Variants in GABBR2 observed in about 807,000 individuals in gnomAD.
GABBR2 encodes the protein G-protein coupled receptor 51.
A neutral mutation model predicts 105.6 loss-of-function variants in GABBR2; 23 were observed. That is an observed-to-expected ratio of 0.22 (90% CI 0.16 to 0.31). The LOEUF is 0.31. Among genes scored for constraint, GABBR2 ranks in the 10% least tolerant of loss-of-function variants. GABBR2 has a pLI of 1.00. For synonymous variants in GABBR2, 478 were observed against 499.7 expected (o/e 0.96, Z 0.58); for missense variants, 734 against 1,245.5 (o/e 0.59, Z 6.18).
intron 1 of GABBR2, among the ~76,000 whole-genome samples, chr9:98,609,978 G>T (rs144717460): frequency 6.6e-6 from 1 of 152,204 alleles, no homozygotes; most frequent in Non-Finnish European, 1.5e-5. Flanking sequence ...AGACACGGAG[G>T]CTGCACTTGG....
rs377453143 is a variant in GABBR2, at chr9:98,473,337, C to T, written c.808G>A (p.Glu270Lys). The change falls in exon 6 of 19, where the codon GAG becomes AAG. Residue 270 changes from glutamate (E) to lysine (K), a missense_variant. Transcript: ENST00000259455. ...AAKVFCCAYE[E>K]NMYGSKYQWI... ...TGATATTTACTACCATACATGTTCT[C>T]CTCGTATGCCTGTAAAAGATGGAGT... The T allele has an allele frequency of 5.0e-6, 8 of 1,608,412 alleles. No individual in the cohort carries two copies. The highest frequency in any genetic ancestry group is 6.0e-6 in the Non-Finnish European group (7 of 1,175,068).
chr9:98,483,301 GA>G (rs575926993), intron 4 of GABBR2, among the ~76,000 whole-genome samples: 4 of 152,086 alleles, frequency 2.6e-5, no homozygotes, highest in Non-Finnish European at 5.9e-5. Flanking sequence ...CCACTGCCCT[GA>G]GTTTGGTTAC....
At chr9:98,412,078 G>T (rs1027114868) in intron 7 of GABBR2, among the ~76,000 whole-genome samples, 1 of 152,250 alleles carries the variant, frequency 6.6e-6, no homozygotes, top group Non-Finnish European at 1.5e-5. Context: ...TATAGGTTAA[G>T]CCCTTTGTTG....
At chr9:98,590,984 C>T (rs767574293) in intron 1 of GABBR2, among the ~76,000 whole-genome samples, 19 of 152,192 alleles carry the variant, frequency 1.2e-4, no homozygotes, top group Middle Eastern at 3.4e-3. Flanking sequence ...ATGCTGAAGA[C>T]GCATAAAAAG....
In GABBR2 at chr9:98,303,401, G is replaced by A; in HGVS notation, c.2252C>T (p.Pro751Leu). 1 of 1,614,210 alleles carries A rather than the reference G, an allele frequency of 6.2e-7. No individual in the cohort carries two copies. Among genetic ancestry groups the A allele is most frequent in the Non-Finnish European group, 8.5e-7 (1 of 1,180,006 alleles). The change falls in exon 16 of 19, where the codon CCA (proline) becomes CTA (leucine). Residue 751 changes from proline (P) to leucine (L), a missense_variant. Transcript: ENST00000259455. ...TCGCCTGTTCTGCGTTGCTGCATCT[G>A]GGTTTGTTCTCAGGGTGATGAGCTG... ...VPKLITLRTN[P>L]DAATQNRRFQ...
At chr9:98,457,474 T>A (rs926826642) in intron 6 of GABBR2, among the ~76,000 whole-genome samples, 1 of 152,222 alleles carries the variant, frequency 6.6e-6, no homozygotes, top group African/African-American at 2.4e-5. Context: ...TCATATTGTC[T>A]ATTGGATTTG....
intron 13 of GABBR2, among the ~76,000 whole-genome samples, chr9:98,324,460 C>A (rs1830882425): frequency 6.7e-6 from 1 of 148,560 alleles, no homozygotes; most frequent in African/African-American, 2.5e-5. Context: ...TAGTATGAAG[C>A]AAGAGCACAG....
chr9:98,386,392 A>G (rs1832073230), intron 10 of GABBR2, among the ~76,000 whole-genome samples: 1 of 152,086 alleles, frequency 6.6e-6, no homozygotes, highest in Non-Finnish European at 1.5e-5. Flanking sequence ...GAAAGCTCAC[A>G]CTGTTCCGTG....
At position 98,553,083 on chromosome 9, in the gene GABBR2, TA is replaced by T. The variant is rs371836785; in HGVS notation, c.460-11041del. ...TATTTAGTAGAGACAGGGGTCTCGC[TA>T]TTTTGCCCAGGCTGGTCTGAAACTC... On this transcript the variant is annotated intron_variant, in intron 2 of 18. Transcript: ENST00000259455. Among the ~76,000 whole-genome samples, 96 of 151,962 alleles carry T rather than the reference TA, an allele frequency of 6.3e-4. 1 individual carries two copies. In the East Asian group the frequency reaches 0.01, roughly 16 times the overall value.
Position 98,454,262 on chromosome 9 carries a change from G to C in GABBR2, c.1000-45C>G, listed in dbSNP as rs776926433. 1.5e-6 allele frequency: 2 copies of C among 1,334,720 alleles called. No homozygotes were observed. Among genetic ancestry groups the C allele is most frequent in the Non-Finnish European group, 2.2e-6 (2 of 925,496 alleles). 82.7% of individuals were successfully genotyped at this position (1,334,720 alleles called of 1,614,324 possible). A position where few individuals can be genotyped will look rare whatever the true frequency, so the allele number is the denominator to read the frequency against. On this transcript the variant is annotated intron_variant, in intron 6 of 18. Transcript: ENST00000259455. This position sits in a 1 kb window ranked among gnomAD's most constrained non-coding sequence, Gnocchi z 4.6. ...GGGGAATCCCAAGTTATACTCGGCA[G>C]GGACATCAGGTGCCTGATGCCGAGA...
chr9:98,386,107 C>T (rs190012638), intron 10 of GABBR2, among the ~76,000 whole-genome samples: 1 of 152,298 alleles, frequency 6.6e-6, no homozygotes, highest in African/African-American at 2.4e-5. Context: ...GTTGATTTCC[C>T]TGCCTCCTTT....
chr9:98,310,585 G>A (rs1204652227), intron 14 of GABBR2, among the ~76,000 whole-genome samples: 1 of 152,180 alleles, frequency 6.6e-6, no homozygotes, highest in Non-Finnish European at 1.5e-5. Flanking sequence ...AGTGGAAAGA[G>A]TGCTGGGTTT....
Position 98,686,385 on chromosome 9 carries a change from A to T in GABBR2, c.321+22032T>A, listed in dbSNP as rs562409834. ...CTCTATTGCAATAGTCCCCGAATAA[A>T]ATCTGTTTTTTTTGTTTTGTTTTGT... is the stretch of plus-strand genomic sequence containing the variant. On this transcript the variant is annotated intron_variant, in intron 1 of 18. Transcript: ENST00000259455. Among the ~76,000 whole-genome samples, 185 of 30,568 alleles carry T rather than the reference A, an allele frequency of 6.1e-3. 1 individual carries two copies. Among genetic ancestry groups the T allele is most frequent in the African/African-American group, 0.035 (181 of 5,152 alleles). 20.1% of individuals were successfully genotyped at this position (30,568 alleles called of 152,430 possible).
Position 98,580,539 on chromosome 9 carries a change from G to A in GABBR2, c.322-2467C>T, listed in dbSNP as rs144262782. 1.7e-3 allele frequency among the ~76,000 whole-genome samples: 264 copies of A among 152,304 alleles called. 2 individuals are homozygous for A. Among genetic ancestry groups the A allele is most frequent in the African/African-American group, 6.2e-3 (258 of 41,558 alleles). On this transcript the variant is annotated intron_variant, in intron 1 of 18. Coordinates refer to ENST00000259455, the MANE Select transcript of GABBR2 (RefSeq NM_005458.8). ...GCGAAGGCTCACGCCCGTAATCCTA[G>A]CACTTTGGGAGGCTGAGGCAGGCAG...
At chr9:98,579,558 C>T (rs1278893102) in intron 1 of GABBR2, among the ~76,000 whole-genome samples, 2 of 152,208 alleles carry the variant, frequency 1.3e-5, no homozygotes, top group African/African-American at 4.8e-5. Context: ...TCTTCTCACT[C>T]TTCCTGCTTT....
At chr9:98,617,723 G>A (rs917023275) in intron 1 of GABBR2, among the ~76,000 whole-genome samples, 3 of 152,146 alleles carry the variant, frequency 2.0e-5, no homozygotes, top group Non-Finnish European at 4.4e-5. Context: ...AGGAGACCTA[G>A]GCCATTTGTT....
rs534028956 is a variant in GABBR2, at chr9:98,625,415, G to A, written c.322-47343C>T. Among the ~76,000 whole-genome samples the A allele has an allele frequency of 2.3e-4, 35 of 152,358 alleles. No homozygotes were observed. In the East Asian group the frequency reaches 5.6e-3, roughly 24 times the overall value. The stretch of plus-strand genomic sequence containing the variant: ...AGCGTGGCCCAGGCCCCTGAGAGAA[G>A]GCAGCCTGCTGCCCTGAGAGCTGTG... On this transcript the variant is annotated intron_variant, in intron 1 of 18. Coordinates refer to ENST00000259455, the MANE Select transcript of GABBR2 (RefSeq NM_005458.8).
At chr9:98,628,308 C>T (rs544224291) in intron 1 of GABBR2, among the ~76,000 whole-genome samples, 1 of 152,228 alleles carries the variant, frequency 6.6e-6, no homozygotes, top group South Asian at 2.1e-4. Flanking sequence ...TTGCAATGAC[C>T]CCAGGTATCC....
intron 1 of GABBR2, among the ~76,000 whole-genome samples, chr9:98,666,869 GA>G (rs1830341795): frequency 6.6e-6 from 1 of 152,186 alleles, no homozygotes; most frequent in Non-Finnish European, 1.5e-5. Context: ...ACCAGAAGAG[GA>G]GCCACTGCCC....
Sources: gnomAD v4.1 joint callset for allele counts (sites outside exome capture counted in the v4.1 genomes callset) on GRCh38, gnomAD v4.1.1 for gene constraint, Gnocchi (gnomAD v3.1) non-coding constraint, MANE v1.5 for transcripts, NCBI Gene and HGNC (gene_info 2026-07-23, HGNC 2026-07-21) for gene names.